MERTK: variants seen among roughly 807,000 people sequenced by gnomAD.
The protein encoded by MERTK is tyrosine-protein kinase Mer.
A neutral mutation model predicts 99.3 loss-of-function variants in MERTK; 69 were observed. That is an observed-to-expected ratio of 0.70 (90% confidence interval 0.57 to 0.85). MERTK has a LOEUF of 0.85. Among genes scored for constraint, MERTK ranks in the 40% least tolerant of loss-of-function variants. The probability of loss-of-function intolerance (pLI) is 0.00; values close to 1 mark genes in which losing one functional copy is unlikely to be tolerated. For synonymous variants in MERTK, 426 were observed against 467.6 expected, an observed-to-expected ratio of 0.91 and a Z score of 1.15; for missense variants, 1,125 against 1,249.4, an observed-to-expected ratio of 0.90 and a Z score of 1.50.
At position 111,984,767 on chromosome 2, in the gene MERTK, C is replaced by T. The variant is rs1035091726; in HGVS notation, c.1296+1774C>T. Among the ~76,000 whole-genome samples, 2 of 152,278 alleles carry T rather than the reference C, an allele frequency of 1.3e-5. 1 individual carries two copies. Among genetic ancestry groups the T allele is most frequent in the South Asian group, 4.1e-4 (2 of 4,824 alleles). On this transcript the variant is annotated intron_variant, in intron 8 of 18. Coordinates refer to ENST00000295408, the MANE Select transcript of MERTK (RefSeq NM_006343.3). ...TGATATAAGTAACCTTCTAACCTGC[C>T]TTCTTTCCACCAGAGCATATTTGCT...
intron 8 of MERTK, among the ~76,000 whole-genome samples, chr2:111,989,191 C>T (rs971713670): frequency 2.8e-4 from 43 of 151,938 alleles, no homozygotes; most frequent in African/African-American, 9.7e-4. Context: ...AAGAACAGGA[C>T]GTGTTTTGCA....
chr2:111,946,004 G>T (rs923237262), intron 3 of MERTK, among the ~76,000 whole-genome samples: 11 of 152,212 alleles, frequency 7.2e-5, no homozygotes, highest in Non-Finnish European at 8.8e-5. Flanking sequence ...CTGAAAGTCT[G>T]CTATGCTACC....
intron 6 of MERTK, among the ~76,000 whole-genome samples, chr2:111,975,029 A>C (rs1361853110): frequency 1.3e-5 from 2 of 152,110 alleles, no homozygotes; most frequent in African/African-American, 4.8e-5. Context: ...TAATCATCAT[A>C]ATTATTTGCT....
chr2:111,922,414 C>G (rs923161554), intron 1 of MERTK, among the ~76,000 whole-genome samples: 25 of 152,222 alleles, frequency 1.6e-4, no homozygotes, highest in African/African-American at 6.0e-4. Context: ...GAGCCCTTCG[C>G]ATCCCAAGCC....
At chr2:111,988,980 A>G (rs554422526) in intron 8 of MERTK, among the ~76,000 whole-genome samples, 4 of 152,276 alleles carry the variant, frequency 2.6e-5, no homozygotes, top group South Asian at 2.1e-4. Context: ...AATATGCTCA[A>G]TTTTCAGTTG....
intron 6 of MERTK, among the ~76,000 whole-genome samples, chr2:111,971,207 T>C (rs2104729483): frequency 6.6e-6 from 1 of 152,258 alleles, no homozygotes; most frequent in South Asian, 2.1e-4. Flanking sequence ...TTCTCTCTTA[T>C]TTTTCTTAGT....
intron 15 of MERTK, among the ~76,000 whole-genome samples, chr2:112,017,926 T>C (rs996067799): frequency 1.3e-5 from 2 of 152,138 alleles, no homozygotes; most frequent in African/African-American, 4.8e-5. Context: ...TCAAAATGAC[T>C]TTCAACGGAG....
rs867481783 is a variant in MERTK at position 111,974,789 on chromosome 2, A to G, written c.961-500A>G. On this transcript the variant is annotated intron_variant, in intron 6 of 18. Coordinates refer to ENST00000295408, the MANE Select transcript of MERTK (RefSeq NM_006343.3). The stretch of plus-strand genomic sequence containing the variant: ...CATCTCAAAAAAAAAAAAAAAAAAA[A>G]AAAGAAAGAAAAGAAAAGAAAAGAA... 2.4e-3 allele frequency among the ~76,000 whole-genome samples: 344 copies of G among 140,960 alleles called. 3 individuals carry two copies. The highest frequency in any genetic ancestry group is 3.5e-3 in the Non-Finnish European group (217 of 62,368). The allele number at this position is 140,960 out of a possible 152,430, so 92.5% of individuals were successfully genotyped here.
At chr2:111,940,610 C>T (rs879213281) in intron 2 of MERTK, 1 of 659,900 alleles carries the variant, frequency 1.5e-6, no homozygotes, top group South Asian at 1.4e-5. Context: ...TGACATTGAA[C>T]CTGAAGCAGG....
chr2:112,021,010 A>G (rs1020009383), intron 16 of MERTK, among the ~76,000 whole-genome samples: 46 of 150,642 alleles, frequency 3.1e-4, no homozygotes, highest in African/African-American at 1.1e-3. Flanking sequence ...CCTGGCCAAC[A>G]TGGTGACACT....
At chr2:111,995,699 C>T (rs1676721528) in intron 9 of MERTK, among the ~76,000 whole-genome samples, 1 of 152,170 alleles carries the variant, frequency 6.6e-6, no homozygotes, top group African/African-American at 2.4e-5. Context: ...CCTGTAATTC[C>T]AACACTTTGG....
At chr2:111,925,292 A>ATATATATATATATATATATTTT (rs372747015) in intron 1 of MERTK, among the ~76,000 whole-genome samples, 2 of 24,488 alleles carry the variant, frequency 8.2e-5, no homozygotes, top group Non-Finnish European at 1.5e-4. Flanking sequence ...ATATATATAT[A>ATATATATATATATATATATTTT]TTTTTTTTTT....
At chr2:112,021,324 G>C in intron 16 of MERTK, 98 bp from the exon 17 acceptor site, 1 of 1,554,904 alleles carries the variant, frequency 6.4e-7, no homozygotes, top group Non-Finnish European at 8.8e-7. Context: ...GTGTTCTTTT[G>C]GTCAATTATC....
intron 1 of MERTK, among the ~76,000 whole-genome samples, chr2:111,909,862 T>G (rs1254399134): frequency 5.9e-5 from 9 of 152,138 alleles, no homozygotes; most frequent in Non-Finnish European, 1.2e-4. Context: ...TGAAGAATGG[T>G]ATGGAGGTTC....
intron 16 of MERTK, 70 bp downstream of exon 16, chr2:112,019,592 G>C: frequency 1.7e-6 from 2 of 1,170,322 alleles, no homozygotes; most frequent in Non-Finnish European, 2.6e-6. Flanking sequence ...GTTAGTGAGA[G>C]GACCTGTTCC....
chr2:111,898,797 G>C lies in MERTK; in HGVS notation c.61+1G>C. 2.5e-6 allele frequency: 4 copies of C among 1,591,418 alleles called. No homozygotes were observed. Among genetic ancestry groups the C allele is most frequent in the Non-Finnish European group, 2.6e-6 (3 of 1,169,698 alleles). ...TTCCTCCCCGCGCTCTGGCGTAGAGGTGAGTGCGCCCGGCTGGGGGCCAGG... is the reference window on the plus strand; with the variant it reads ...TTCCTCCCCGCGCTCTGGCGTAGAGCTGAGTGCGCCCGGCTGGGGGCCAGG... On this transcript the variant is annotated splice_donor_variant, in intron 1 of 18. Coordinates refer to ENST00000295408, the MANE Select transcript of MERTK (RefSeq NM_006343.3). LOFTEE classifies it high-confidence loss of function.
chr2:112,027,216 T>C (rs1333127855), intron 18 of MERTK, among the ~76,000 whole-genome samples: 1 of 151,408 alleles, frequency 6.6e-6, no homozygotes, highest in East Asian at 1.9e-4. Context: ...TATACACATT[T>C]TCAGGCCAGG....
chr2:111,933,832 T>C (rs918452374), intron 2 of MERTK, among the ~76,000 whole-genome samples: 3 of 152,018 alleles, frequency 2.0e-5, no homozygotes, highest in African/African-American at 7.2e-5. Context: ...CAACCCATCA[T>C]CTACATTAGG....
chr2:111,914,101 CTTTTTTTT>C (rs765850254), intron 1 of MERTK, among the ~76,000 whole-genome samples: 7 of 94,442 alleles, frequency 7.4e-5, no homozygotes, highest in South Asian at 3.2e-4. Flanking sequence ...TTCTTTCTTT[CTTTTTTTT>C]TTTTTTTTTT....
Sources: allele counts gnomAD v4.1 joint callset (sites outside exome capture counted in the v4.1 genomes callset), GRCh38; gene constraint gnomAD v4.1.1; transcripts MANE v1.5; gene names NCBI Gene and HGNC (gene_info 2026-07-23, HGNC 2026-07-21).